Variants in PPP1R12A observed in about 807,000 individuals in gnomAD.
PPP1R12A encodes the protein protein phosphatase 1 regulatory subunit 12A.
Under a neutral mutation model 139.6 loss-of-function variants are expected in PPP1R12A, and 19 were observed. The ratio of observed to expected loss-of-function variants is 0.14; its 90% CI spans 0.09 to 0.20. The LOEUF (loss-of-function observed/expected upper bound fraction) is 0.20. Ranked by LOEUF, PPP1R12A falls within the 10% of genes least tolerant of loss-of-function variation. PPP1R12A has a pLI of 1.00. For missense variants in PPP1R12A, 925 were observed against 1,211.5 expected (o/e 0.76, Z 3.51); for synonymous variants, 427 against 420.6 (o/e 1.02, Z -0.19).
At chr12:79,780,213 A>G (rs767903311) in intron 23 of PPP1R12A, 9 of 151,356 alleles carry the variant, frequency 5.9e-5, no homozygotes, top group Non-Finnish European at 1.2e-4. Context: ...CTTTAAAAAA[A>G]CAGACAAACA....
chr12:79,904,834 T>G (rs1490839965), intron 1 of PPP1R12A, among the ~76,000 whole-genome samples: 1 of 152,186 alleles, frequency 6.6e-6, no homozygotes, highest in Non-Finnish European at 1.5e-5. Flanking sequence ...AAGGTGTGTG[T>G]GGTGTAGAAG....
Position 79,906,183 on chromosome 12 carries a change from T to C in PPP1R12A, c.237+28512A>G, listed in dbSNP as rs559844472. Among the ~76,000 whole-genome samples the C allele has an allele frequency of 9.9e-5, 15 of 152,060 alleles. No homozygotes were observed. In the East Asian group the frequency reaches 2.1e-3, roughly 22 times the overall value. ...AAATAATAAAAACCTAGAAACAGAA[T>C]TGGAATGGTTAATAAAATTACAAAC... On this transcript the variant is annotated intron_variant, in intron 1 of 24. Coordinates refer to ENST00000450142, the MANE Select transcript of PPP1R12A (RefSeq NM_002480.3).
intron 14 of PPP1R12A, among the ~76,000 whole-genome samples, chr12:79,801,755 A>T (rs1278555039): frequency 6.6e-6 from 1 of 152,172 alleles, no homozygotes; most frequent in Admixed American, 6.5e-5. Context: ...TTTCTCACGC[A>T]AGATCTTAGT....
At chr12:79,849,246 G>C (rs1285491999) in intron 2 of PPP1R12A, among the ~76,000 whole-genome samples, 1 of 151,950 alleles carries the variant, frequency 6.6e-6, no homozygotes, top group Admixed American at 6.6e-5. Context: ...AAATTAGCTG[G>C]GTGTGGTGGT....
intron 1 of PPP1R12A, among the ~76,000 whole-genome samples, chr12:79,903,382 T>G (rs536948153): frequency 6.6e-6 from 1 of 150,488 alleles, no homozygotes; most frequent in South Asian, 2.1e-4. Context: ...ACCCGGGAAG[T>G]AGATGTTGCA....
intron 20 of PPP1R12A, among the ~76,000 whole-genome samples, chr12:79,789,166 A>G (rs1298665295): frequency 6.6e-6 from 1 of 152,080 alleles, no homozygotes; most frequent in Non-Finnish European, 1.5e-5. Flanking sequence ...TCCTGGGCTC[A>G]AGCAATTCAC....
chr12:79,822,880 G>C (rs1241879696), intron 5 of PPP1R12A, among the ~76,000 whole-genome samples: 4 of 150,564 alleles, frequency 2.7e-5, no homozygotes. Flanking sequence ...TTTTTGTGTG[G>C]ACACCTGTTT....
intron 1 of PPP1R12A, among the ~76,000 whole-genome samples, chr12:79,898,354 G>A (rs1885321179): frequency 6.6e-6 from 1 of 152,192 alleles, no homozygotes; most frequent in Non-Finnish European, 1.5e-5. Context: ...TACTTGGGAG[G>A]CTGAGGCAGA....
At chr12:79,802,094 A>G (rs575904403) in intron 14 of PPP1R12A, among the ~76,000 whole-genome samples, 2 of 152,202 alleles carry the variant, frequency 1.3e-5, no homozygotes, top group African/African-American at 2.4e-5. Flanking sequence ...TCTGGGATAT[A>G]AGAGGGGCTT....
At chr12:79,914,281 G>T (rs1211799564) in intron 1 of PPP1R12A, among the ~76,000 whole-genome samples, 1 of 151,866 alleles carries the variant, frequency 6.6e-6, no homozygotes, top group South Asian at 2.1e-4. Context: ...ACATGAAGTT[G>T]TAAGAAGTAA....
intron 3 of PPP1R12A, among the ~76,000 whole-genome samples, chr12:79,835,060 C>G (rs1877904236): frequency 6.6e-6 from 1 of 152,142 alleles, no homozygotes; most frequent in African/African-American, 2.4e-5. Flanking sequence ...TCAATGTGCA[C>G]AGGCACAATC....
chr12:79,843,982 C>T (rs1248665555), intron 3 of PPP1R12A, among the ~76,000 whole-genome samples: 1 of 152,074 alleles, frequency 6.6e-6, no homozygotes, highest in Non-Finnish European at 1.5e-5. Context: ...GGATTACAGG[C>T]ATGAGCCACT....
chr12:79,858,841 G>A (rs1880980657), intron 2 of PPP1R12A, among the ~76,000 whole-genome samples: 1 of 152,138 alleles, frequency 6.6e-6, no homozygotes, highest in African/African-American at 2.4e-5. Flanking sequence ...GAGGTGACAA[G>A]GCACCAAAGC....
intron 13 of PPP1R12A, 151 bp from the exon 14 acceptor site, chr12:79,805,919 C>CAATTATGA (rs1873772916): frequency 1.1e-5 from 11 of 969,060 alleles, no homozygotes; most frequent in Admixed American, 3.0e-5. Flanking sequence ...CCAAAAAGCT[C>CAATTATGA]ACCCAGAGTT....
In PPP1R12A at chr12:79,863,848, A is replaced by AGC. The variant is rs1258416391; in HGVS notation, c.368+8959_368+8960insGC. On this transcript the variant is annotated intron_variant, in intron 2 of 24. Transcript: ENST00000450142. ...ACCCAGATACATAAAGCAAGTTCTT[A>AGC]GAGACCTACGAAGAGACTTAGACTT... is the stretch of plus-strand genomic sequence containing the variant. Among the ~76,000 whole-genome samples, 5 of 152,260 alleles carry AGC rather than the reference A, an allele frequency of 3.3e-5. No individual in the cohort carries two copies. The East Asian group carries it at 7.7e-4, about 24-fold the overall frequency.
At chr12:79,800,683 TCTCAAAAC>T (rs532431897) in intron 14 of PPP1R12A, among the ~76,000 whole-genome samples, 1 of 151,766 alleles carries the variant, frequency 6.6e-6, no homozygotes, top group African/African-American at 2.4e-5. Context: ...TGTATCTCCC[TCTCAAAAC>T]CCCAGGCAAT....
intron 1 of PPP1R12A, among the ~76,000 whole-genome samples, chr12:79,894,124 T>C (rs1034337480): frequency 3.9e-5 from 6 of 152,204 alleles, no homozygotes; most frequent in African/African-American, 9.6e-5. Flanking sequence ...TATAGTGACA[T>C]AACATAATGA....
intron 2 of PPP1R12A, among the ~76,000 whole-genome samples, chr12:79,858,448 A>C (rs536594544): frequency 6.6e-6 from 1 of 152,356 alleles, no homozygotes; most frequent in South Asian, 2.1e-4. Context: ...CAATCTTATA[A>C]ATTAGGTACA....
chr12:79,849,821 CT>C (rs1555219080), intron 2 of PPP1R12A, among the ~76,000 whole-genome samples: 1 of 152,000 alleles, frequency 6.6e-6, no homozygotes, highest in Non-Finnish European at 1.5e-5. Context: ...GGATGAAATT[CT>C]TTTTTATCTT....
Sources: allele counts gnomAD v4.1 joint callset (sites outside exome capture counted in the v4.1 genomes callset), GRCh38; gene constraint gnomAD v4.1.1; transcripts MANE v1.5; gene names NCBI Gene and HGNC (gene_info 2026-07-23, HGNC 2026-07-21).